The following TMEM131 variants were observed in gnomAD, a reference collection of about 807,000 sequenced individuals.
TMEM131 encodes 2610524E03Rik.
Under a neutral mutation model 211.6 loss-of-function variants are expected in TMEM131, and 66 were observed. The observed-to-expected ratio is 0.31, with a 90% CI of 0.26 to 0.38. The LOEUF (loss-of-function observed/expected upper bound fraction) is 0.38. Ranked by LOEUF, TMEM131 falls within the 10% of genes least tolerant of loss-of-function variation. The pLI, the probability that TMEM131 is intolerant of heterozygous loss-of-function variation, is 1.00. For synonymous variants in TMEM131, 844 were observed against 841.3 expected (o/e 1.00, Z -0.06); for missense variants, 2,036 against 2,299.3 (o/e 0.89, Z 2.34).
At chr2:97,982,634 T>C (rs896947851) in intron 1 of TMEM131, among the ~76,000 whole-genome samples, 11 of 152,174 alleles carry the variant, frequency 7.2e-5, no homozygotes, top group Non-Finnish European at 2.9e-5. Context: ...CCCCAAAATG[T>C]CCATGTCCTA....
intron 5 of TMEM131, among the ~76,000 whole-genome samples, chr2:97,854,520 A>G (rs2105156501): frequency 6.6e-6 from 1 of 152,310 alleles, no homozygotes; most frequent in African/African-American, 2.4e-5. Context: ...GGAGTATGAC[A>G]ACAGCCAATG....
chr2:97,892,915 T>C (rs1382400122), intron 3 of TMEM131, among the ~76,000 whole-genome samples: 2 of 152,186 alleles, frequency 1.3e-5, no homozygotes, highest in African/African-American at 4.8e-5. Context: ...TTTTTTAATA[T>C]ACTTTAAATT....
chr2:97,812,126 T>C (rs964650614), intron 17 of TMEM131, among the ~76,000 whole-genome samples: 1 of 152,228 alleles, frequency 6.6e-6, no homozygotes, highest in Non-Finnish European at 1.5e-5. Flanking sequence ...GTTAGTTTAG[T>C]ACCCATGGGA....
chr2:97,973,518 T>C (rs1199550632), intron 1 of TMEM131, among the ~76,000 whole-genome samples: 2 of 152,070 alleles, frequency 1.3e-5, no homozygotes, highest in East Asian at 1.9e-4. Flanking sequence ...ACCAAGGCAA[T>C]TAGAGTTCAT....
rs1384111901 is a variant in TMEM131, at chr2:97,757,232, G to A, written c.5519C>T (p.Pro1840Leu). 10 of 1,613,938 alleles carry A rather than the reference G, an allele frequency of 6.2e-6. No individual in the cohort carries two copies. The highest frequency in any genetic ancestry group is 8.5e-6 in the Non-Finnish European group (10 of 1,179,918). The change falls in exon 41 of 41, where the codon CCT becomes CTT. Residue 1840 changes from proline to leucine, a missense_variant. Coordinates refer to ENST00000186436, the MANE Select transcript of TMEM131 (RefSeq NM_015348.2). ...GLMGTENSPAPHAPSTSSPAD... is the reference protein window; with the variant it reads ...GLMGTENSPALHAPSTSSPAD... ...TGGACTGGAGGTGGAGGGAGCGTGA[G>A]GAGCAGGGGAGTTTTCTGTGCCCAT...
At chr2:97,949,912 A>C (rs1678224107) in intron 1 of TMEM131, among the ~76,000 whole-genome samples, 1 of 151,714 alleles carries the variant, frequency 6.6e-6, no homozygotes, top group Non-Finnish European at 1.5e-5. Flanking sequence ...CTTCTGAAGG[A>C]TTCCAAATCA....
intron 3 of TMEM131, among the ~76,000 whole-genome samples, chr2:97,899,092 T>C (rs1176642200): frequency 6.6e-6 from 1 of 152,120 alleles, no homozygotes; most frequent in Non-Finnish European, 1.5e-5. Context: ...GCTCCAATAT[T>C]AGAATCTGGG....
chr2:97,916,289 T>C (rs559936242), intron 2 of TMEM131, among the ~76,000 whole-genome samples: 1 of 152,292 alleles, frequency 6.6e-6, no homozygotes, highest in South Asian at 2.1e-4. Context: ...GGGCAGGAAA[T>C]AGTAGTAAAG....
chr2:97,842,705 A>T (rs1021788023), intron 6 of TMEM131, among the ~76,000 whole-genome samples: 1 of 152,154 alleles, frequency 6.6e-6, no homozygotes. Flanking sequence ...GTAAAGAAAG[A>T]AGACAGCTGG....
chr2:97,756,997 T>G lies in TMEM131; in HGVS notation c.*102A>C. On this transcript the variant is annotated 3_prime_UTR_variant, in exon 41 of 41. Transcript: ENST00000186436. The stretch of plus-strand genomic sequence containing the variant: ...GTCTGTTTTGCAAAGAAGAGGAGGG[T>G]GGGGAGGGGAGCTGCAGTAAGAGCC... 2 of 1,369,476 alleles carry G rather than the reference T, an allele frequency of 1.5e-6. No homozygotes were observed. The highest frequency in any genetic ancestry group is 2.9e-5 in the Admixed American group (1 of 34,488). 84.8% of individuals were successfully genotyped at this position (1,369,476 alleles called of 1,614,324 possible).
chr2:97,780,296 C>T (rs898455573), intron 31 of TMEM131, among the ~76,000 whole-genome samples: 2 of 152,132 alleles, frequency 1.3e-5, no homozygotes, highest in African/African-American at 4.8e-5. Flanking sequence ...ATCAATCAAT[C>T]GGTAGGAATG....
chr2:97,809,950 T>TA (rs140359501), intron 18 of TMEM131, among the ~76,000 whole-genome samples, 176 bp from the exon 19 acceptor site: 2,495 of 152,298 alleles, frequency 0.016, 28 homozygotes, highest in Non-Finnish European at 0.026. Context: ...ATGTACTCCA[T>TA]AAAATGTAAT....
intron 33 of TMEM131, among the ~76,000 whole-genome samples, chr2:97,767,108 G>C (rs1679207458): frequency 6.6e-6 from 1 of 152,150 alleles, no homozygotes; most frequent in Non-Finnish European, 1.5e-5. Flanking sequence ...AGGTGACCCA[G>C]AGCTAAGTTC....
intron 4 of TMEM131, among the ~76,000 whole-genome samples, chr2:97,869,092 T>C (rs2105215219): frequency 6.6e-6 from 1 of 152,340 alleles, no homozygotes; most frequent in Middle Eastern, 3.4e-3. Flanking sequence ...TCACCAACTG[T>C]ATGCTTTCTT....
intron 4 of TMEM131, among the ~76,000 whole-genome samples, chr2:97,863,024 T>C (rs1027488272): frequency 7.2e-5 from 11 of 151,864 alleles, no homozygotes; most frequent in Admixed American, 6.5e-4. Flanking sequence ...GGAGCTCCAA[T>C]ACCTGGCAGC....
Position 97,796,838 on chromosome 2 carries a change from A to C in TMEM131, c.3013+6T>G, listed in dbSNP as rs1337588153. ...TAGTGTCCTTGAAACTGTTAGGAAG[A>C]CTTACTATCTGTACAATCTTTTAAC... On this transcript the variant is annotated splice_donor_region_variant and intron_variant, in intron 27 of 40. Coordinates refer to ENST00000186436, the MANE Select transcript of TMEM131 (RefSeq NM_015348.2). The C allele has an allele frequency of 6.2e-7, 1 of 1,610,238 alleles. No homozygotes were observed. The highest frequency in any genetic ancestry group is 8.5e-7 in the Non-Finnish European group (1 of 1,178,442).
chr2:97,957,197 A>G (rs1559474088), intron 1 of TMEM131, among the ~76,000 whole-genome samples: 1 of 152,198 alleles, frequency 6.6e-6, no homozygotes, highest in Non-Finnish European at 1.5e-5. Context: ...CAAAAGGAAA[A>G]AAATTGAAAG....
At chr2:97,804,621 C>CAAAAA (rs71386034) in intron 22 of TMEM131, among the ~76,000 whole-genome samples, 2 of 71,914 alleles carry the variant, frequency 2.8e-5, no homozygotes, top group Admixed American at 1.5e-4. Flanking sequence ...GACTCCGTCT[C>CAAAAA]AAAAAAAAAA....
intron 4 of TMEM131, among the ~76,000 whole-genome samples, chr2:97,871,066 C>T (rs1052613414): frequency 6.6e-6 from 1 of 152,148 alleles, no homozygotes; most frequent in Non-Finnish European, 1.5e-5. Context: ...TATTCAACGT[C>T]CATTTTTTTT....
Sources: allele counts gnomAD v4.1 joint callset (sites outside exome capture counted in the v4.1 genomes callset), GRCh38; gene constraint gnomAD v4.1.1; transcripts MANE v1.5; gene names NCBI Gene and HGNC (gene_info 2026-07-23, HGNC 2026-07-21).